Variants in MAPK4 observed in about 807,000 individuals in gnomAD.
MAPK4 encodes mitogen-activated protein kinase 4, also known as Erk3-related.
MAPK4 carries 22 observed loss-of-function variants against 47.7 expected under a neutral mutation model. The ratio of observed to expected loss-of-function variants is 0.46; its 90% CI spans 0.33 to 0.66. The LOEUF (loss-of-function observed/expected upper bound fraction) is 0.66. Ranked by LOEUF, MAPK4 falls within the 30% of genes least tolerant of loss-of-function variation. The probability of loss-of-function intolerance (pLI) is 0.02; values close to 1 mark genes in which losing one functional copy is unlikely to be tolerated. For missense variants in MAPK4, 736 were observed against 831.7 expected, an observed-to-expected ratio of 0.88 and a Z score of 1.42; for synonymous variants, 390 against 365.7, an observed-to-expected ratio of 1.07 and a Z score of -0.76.
In MAPK4 at chr18:50,564,329, G is replaced by A. The variant is rs114709743; in HGVS notation, c.-871+4086G>A. 3.7e-3 allele frequency among the ~76,000 whole-genome samples: 557 copies of A among 152,216 alleles called. 3 individuals are homozygous for A. The highest frequency in any genetic ancestry group is 0.013 in the African/African-American group (524 of 41,522). Reference sequence around the variant, plus strand: ...TGGGCCAGATAATTTTTTGTTATGGGGAGCTGTCCTGTGCATTACAGGGTG... The same window carrying A: ...TGGGCCAGATAATTTTTTGTTATGGAGAGCTGTCCTGTGCATTACAGGGTG... On this transcript the variant is annotated intron_variant, in intron 1 of 5. Transcript: ENST00000400384.
At position 50,729,200 on chromosome 18, in the gene MAPK4, C is replaced by T; in HGVS notation, c.1110C>T (p.Asp370=). ...CGTCGGACCTGGAGTGGCGGCCTGA[C>T]CGGTGCCAGGACGCCAGCGAGGTAC... ...SLSSDLEWRP[D]RCQDASEVQR... is the part of the protein sequence containing the mutation. The change falls in exon 6 of 6, where the codon GAC becomes GAT. Residue 370 remains aspartate (D), a synonymous_variant. Transcript: ENST00000400384. The T allele has an allele frequency of 1.3e-6, 2 of 1,595,356 alleles. No individual in the cohort carries two copies. The highest frequency in any genetic ancestry group is 1.3e-5 in the African/African-American group (1 of 74,712).
intron 1 of MAPK4, among the ~76,000 whole-genome samples, chr18:50,633,760 T>C (rs1204103622): frequency 6.6e-6 from 1 of 152,214 alleles, no homozygotes; most frequent in African/African-American, 2.4e-5. Flanking sequence ...TGTAGTCTCC[T>C]CCTGATGGTT....
At position 50,722,083 on chromosome 18, in the gene MAPK4, T is replaced by C. The variant is rs16952476; in HGVS notation, c.837T>C (p.Pro279=). The C allele has an allele frequency of 5.4e-3, 8,711 of 1,612,528 alleles. 258 individuals are homozygous for C. In the African/African-American group the frequency reaches 0.065, roughly 12 times the overall value. The change falls in exon 4 of 6, where the codon CCT becomes CCC. Residue 279 remains proline (P), a synonymous_variant. Coordinates refer to ENST00000400384, the MANE Select transcript of MAPK4 (RefSeq NM_002747.4). Reference sequence around the variant, plus strand: ...AGAGGCCTCTGCGCAAGCTGCTCCCTGAAGTGAACAGTGAAGGTACCTGAG... The same window carrying C: ...AGAGGCCTCTGCGCAAGCTGCTCCCCGAAGTGAACAGTGAAGGTACCTGAG... The part of the protein sequence containing the change: ...EVKRPLRKLL[P]EVNSEAIDFL...
Position 50,560,111 on chromosome 18 carries a change from C to A in MAPK4, c.-1003C>A, listed in dbSNP as rs866213793. On this transcript the variant is annotated 5_prime_UTR_variant, in exon 1 of 6. Coordinates refer to ENST00000400384, the MANE Select transcript of MAPK4 (RefSeq NM_002747.4). ...CGGAGCCCGAGCTGGAGCAGCGAGC[C>A]GGGCTGTCGGGGCGACCGCGGGAGC... 5 of 148,756 alleles carry A rather than the reference C, an allele frequency of 3.4e-5. No individual in the cohort carries two copies. Among genetic ancestry groups the A allele is most frequent in the South Asian group, 1.8e-4 (1 of 5,462 alleles). The allele number at this position is 148,756 out of a possible 1,614,324, so 9.2% of individuals were successfully genotyped here. A position where few individuals can be genotyped will look rare whatever the true frequency, so the allele number is the denominator to read the frequency against.
intron 1 of MAPK4, among the ~76,000 whole-genome samples, chr18:50,568,701 ACTCT>A (rs1213456227): frequency 1.3e-5 from 2 of 151,122 alleles, no homozygotes; most frequent in East Asian, 3.9e-4. Flanking sequence ...AAATTTCCTC[ACTCT>A]ATCTTCTGTA....
intron 2 of MAPK4, among the ~76,000 whole-genome samples, chr18:50,706,695 A>G (rs934487320): frequency 9.2e-5 from 14 of 152,206 alleles, no homozygotes; most frequent in Non-Finnish European, 1.8e-4. Context: ...ATTGTCATGC[A>G]GCACCCCAGG....
chr18:50,645,431 C>G (rs1165753464), intron 1 of MAPK4, among the ~76,000 whole-genome samples: 1 of 152,114 alleles, frequency 6.6e-6, no homozygotes, highest in African/African-American at 2.4e-5. Flanking sequence ...TTGCTGTGTT[C>G]GGACTGGAGG....
At chr18:50,576,684 G>T (rs1398999965) in intron 1 of MAPK4, among the ~76,000 whole-genome samples, 1 of 152,112 alleles carries the variant, frequency 6.6e-6, no homozygotes, top group Non-Finnish European at 1.5e-5. Context: ...TGTGAAAAAG[G>T]CTTAATAGAT....
At chr18:50,616,558 C>A (rs1372217716) in intron 1 of MAPK4, among the ~76,000 whole-genome samples, 1 of 152,156 alleles carries the variant, frequency 6.6e-6, no homozygotes, top group Non-Finnish European at 1.5e-5. Context: ...CCAGAATAGA[C>A]CATCTGCAGG....
chr18:50,608,182 A>G (rs963434063), intron 1 of MAPK4, among the ~76,000 whole-genome samples: 3 of 152,214 alleles, frequency 2.0e-5, no homozygotes, highest in African/African-American at 7.2e-5. Context: ...ATGGTGGATA[A>G]TGTTTACTCA....
chr18:50,630,851 G>A (rs2042823148), intron 1 of MAPK4, among the ~76,000 whole-genome samples: 1 of 152,170 alleles, frequency 6.6e-6, no homozygotes, highest in African/African-American at 2.4e-5. Context: ...TTCCCAGCTG[G>A]GAGCCTCACC....
chr18:50,636,728 T>G (rs1053783624), intron 1 of MAPK4, among the ~76,000 whole-genome samples: 8 of 152,242 alleles, frequency 5.3e-5, no homozygotes, highest in Non-Finnish European at 8.8e-5. Flanking sequence ...AGCTGAATTT[T>G]TAGGGTCTTC....
chr18:50,567,210 A>G (rs1250243927), intron 1 of MAPK4, among the ~76,000 whole-genome samples: 2 of 152,012 alleles, frequency 1.3e-5, no homozygotes, highest in Admixed American at 1.3e-4. Flanking sequence ...CATCTACATT[A>G]GGTATTTCTT....
Position 50,680,062 on chromosome 18 carries a change from T to C in MAPK4, c.546+15558T>C, listed in dbSNP as rs953204428. Among the ~76,000 whole-genome samples the C allele has an allele frequency of 7.3e-5, 11 of 151,570 alleles. No homozygotes were observed. The East Asian group carries it at 2.1e-3, about 29-fold the overall frequency. ...ATTCCTTTCAGTAGAACAGTGCTTT[T>C]ATATTTGCTTTTAAACTTTTTTTTT... is the stretch of plus-strand genomic sequence containing the variant. On this transcript the variant is annotated intron_variant, in intron 2 of 5. Coordinates refer to ENST00000400384, the MANE Select transcript of MAPK4 (RefSeq NM_002747.4).
chr18:50,560,061 C>G (rs558048761), upstream of MAPK4: 1 of 148,036 alleles, frequency 6.8e-6, no homozygotes, highest in African/African-American at 2.4e-5. Flanking sequence ...GCGGCGCAGG[C>G]TGGGGCCGGG....
intron 1 of MAPK4, among the ~76,000 whole-genome samples, chr18:50,563,409 C>T (rs1186831386): frequency 4.6e-5 from 7 of 152,196 alleles, no homozygotes; most frequent in Admixed American, 2.0e-4. Flanking sequence ...ACTCAACACA[C>T]GAGTGCTGCT....
chr18:50,707,521 T>G (rs8090486), intron 2 of MAPK4, among the ~76,000 whole-genome samples: 109 of 145,356 alleles, frequency 7.5e-4, no homozygotes, highest in African/African-American at 2.6e-3. Flanking sequence ...CAGTGAGTCA[T>G]GATCGTGCCA....
intron 1 of MAPK4, among the ~76,000 whole-genome samples, chr18:50,652,618 A>C (rs982926962): frequency 4.6e-5 from 7 of 152,348 alleles, no homozygotes; most frequent in African/African-American, 1.7e-4. Context: ...GCTTCTGAGA[A>C]TGCATTTGCA....
At chr18:50,683,122 C>CT (rs58523464) in intron 2 of MAPK4, among the ~76,000 whole-genome samples, 6 of 149,518 alleles carry the variant, frequency 4.0e-5, no homozygotes, top group South Asian at 2.1e-4. Flanking sequence ...TGAATATGTT[C>CT]TTTTTTTTTT....
Sources: allele counts gnomAD v4.1 joint callset (sites outside exome capture counted in the v4.1 genomes callset), GRCh38; gene constraint gnomAD v4.1.1; transcripts MANE v1.5; gene names NCBI Gene and HGNC (gene_info 2026-07-23, HGNC 2026-07-21).